Variants in GALNT13 observed in about 807,000 individuals in gnomAD.
GALNT13 encodes the protein polypeptide N-acetylgalactosaminyltransferase 13.
GALNT13 carries 28 observed loss-of-function variants against 64.2 expected under a neutral mutation model. The ratio of observed to expected loss-of-function variants is 0.44; its 90% CI spans 0.32 to 0.60. The LOEUF (loss-of-function observed/expected upper bound fraction) is 0.60. Among genes scored for constraint, GALNT13 ranks in the 20% least tolerant of loss-of-function variants. The probability of loss-of-function intolerance (pLI) is 0.05; values close to 1 mark genes in which losing one functional copy is unlikely to be tolerated. For missense variants in GALNT13, 577 were observed against 669.8 expected (o/e 0.86, Z 1.53); for synonymous variants, 214 against 224.6 (o/e 0.95, Z 0.42).
chr2:153,150,802 T>C, the GALNT13 span, among the ~76,000 whole-genome samples: 1 of 152,132 alleles, frequency 6.6e-6, no homozygotes, highest in Non-Finnish European at 1.5e-5. Flanking sequence ...GCATTATTTC[T>C]GAGGGCTCTG....
chr2:153,969,317 C>T (rs776875), intron 3 of GALNT13, among the ~76,000 whole-genome samples: 150,192 of 152,070 alleles, frequency 0.99, 74,190 homozygotes, highest in Middle Eastern at 1. Flanking sequence ...CTAATTCCTT[C>T]AATTAGAAAA....
At chr2:153,987,581 T>C (rs1320844353) in intron 3 of GALNT13, among the ~76,000 whole-genome samples, 1 of 151,902 alleles carries the variant, frequency 6.6e-6, no homozygotes, top group African/African-American at 2.4e-5. Flanking sequence ...AATTTGGGCA[T>C]ATTAACTTAT....
intron 3 of GALNT13, among the ~76,000 whole-genome samples, chr2:153,952,549 T>G (rs1004935257): frequency 6.6e-6 from 1 of 152,140 alleles, no homozygotes; most frequent in African/African-American, 2.4e-5. Flanking sequence ...GGAAAGGATC[T>G]GCTTAGAAAC....
the GALNT13 span, among the ~76,000 whole-genome samples, chr2:153,511,888 A>G: frequency 6.6e-6 from 1 of 152,180 alleles, no homozygotes; most frequent in Non-Finnish European, 1.5e-5. Context: ...TTATATCCCA[A>G]TGGGGTTGAA....
the GALNT13 span, among the ~76,000 whole-genome samples, chr2:153,542,939 A>C: frequency 2.6e-5 from 4 of 152,228 alleles, no homozygotes; most frequent in African/African-American, 9.6e-5. Flanking sequence ...CCAACTTTAC[A>C]TGTATTTATA....
intron 9 of GALNT13, among the ~76,000 whole-genome samples, chr2:154,335,045 C>G (rs1257669493): frequency 6.6e-6 from 1 of 151,990 alleles, no homozygotes; most frequent in Non-Finnish European, 1.5e-5. Context: ...AGTCTCTTCA[C>G]TCAGAAAAAC....
chr2:153,302,077 C>G, the GALNT13 span, among the ~76,000 whole-genome samples: 1 of 152,034 alleles, frequency 6.6e-6, no homozygotes, highest in Non-Finnish European at 1.5e-5. Context: ...AATGGTAAAC[C>G]TGGATCGTAT....
the GALNT13 span, among the ~76,000 whole-genome samples, chr2:153,450,026 G>A: frequency 1.6e-4 from 24 of 152,294 alleles, no homozygotes; most frequent in African/African-American, 5.5e-4. Context: ...CTTTCTGGTT[G>A]AAAAACCCAG....
At chr2:153,269,902 T>A in the GALNT13 span, among the ~76,000 whole-genome samples, 4 of 152,066 alleles carry the variant, frequency 2.6e-5, no homozygotes, top group Admixed American at 1.3e-4. Flanking sequence ...AAGAACAGTA[T>A]GGGGGAAACT....
intron 9 of GALNT13, among the ~76,000 whole-genome samples, chr2:154,347,055 T>C (rs552004205): frequency 6.6e-6 from 1 of 151,996 alleles, no homozygotes; most frequent in Non-Finnish European, 1.5e-5. Flanking sequence ...TGCAGAAAAT[T>C]GGAAAGTTAG....
At chr2:153,157,369 A>G in the GALNT13 span, among the ~76,000 whole-genome samples, 6 of 152,130 alleles carry the variant, frequency 3.9e-5, no homozygotes, top group Non-Finnish European at 7.4e-5. Context: ...CTTCCTTTCT[A>G]TCCTCTAGTC....
At chr2:154,259,392 C>G (rs914875283) in intron 8 of GALNT13, among the ~76,000 whole-genome samples, 1 of 152,112 alleles carries the variant, frequency 6.6e-6, no homozygotes, top group African/African-American at 2.4e-5. Context: ...TTAGGACTTT[C>G]AATTGCTGAA....
chr2:153,123,843 T>G, the GALNT13 span, among the ~76,000 whole-genome samples: 2 of 152,208 alleles, frequency 1.3e-5, no homozygotes, highest in Non-Finnish European at 2.9e-5. Context: ...TGTCTAAAAT[T>G]GTTCTTAATG....
the GALNT13 span, among the ~76,000 whole-genome samples, chr2:153,399,823 G>C: frequency 6.6e-6 from 1 of 151,780 alleles, no homozygotes; most frequent in Non-Finnish European, 1.5e-5. Flanking sequence ...GGAGATTTTG[G>C]GCTGAGACAA....
the GALNT13 span, among the ~76,000 whole-genome samples, chr2:153,480,350 G>C: frequency 6.6e-6 from 1 of 152,044 alleles, no homozygotes; most frequent in South Asian, 2.1e-4. Flanking sequence ...CCTTCTGGTT[G>C]AGTTTTCAAT....
chr2:153,588,158 C>T, the GALNT13 span, among the ~76,000 whole-genome samples: 1 of 152,340 alleles, frequency 6.6e-6, no homozygotes, highest in African/African-American at 2.4e-5. Context: ...CTTTCATGGG[C>T]TGGCATTGAG....
chr2:153,086,004 G>A, the GALNT13 span, among the ~76,000 whole-genome samples: 7 of 152,182 alleles, frequency 4.6e-5, no homozygotes, highest in Non-Finnish European at 7.3e-5. Context: ...GTGAGACATG[G>A]AGTCAAAGGA....
At chr2:153,752,954 C>T in the GALNT13 span, among the ~76,000 whole-genome samples, 1 of 151,972 alleles carries the variant, frequency 6.6e-6, no homozygotes, top group East Asian at 1.9e-4. Context: ...TTCCTTTGAA[C>T]TCCTTTGTGT....
In GALNT13 at chr2:154,451,745, A is replaced by G. The variant is rs1184013012; in HGVS notation, c.*1194A>G. On this transcript the variant is annotated 3_prime_UTR_variant, in exon 13 of 13. Coordinates refer to ENST00000392825, the MANE Select transcript of GALNT13 (RefSeq NM_052917.4). Reference sequence around the variant, plus strand: ...TGTTCAAAATACATTAGCAGAGGCCATGAAAGTGAAAAAAAATCAGATTTT... The same window carrying G: ...TGTTCAAAATACATTAGCAGAGGCCGTGAAAGTGAAAAAAAATCAGATTTT... The G allele has an allele frequency of 1.3e-5, 2 of 152,070 alleles. No individual in the cohort carries two copies. Among genetic ancestry groups the G allele is most frequent in the Non-Finnish European group, 2.9e-5 (2 of 68,004 alleles). 9.4% of individuals were successfully genotyped at this position (152,070 alleles called of 1,614,324 possible).
Sources: allele counts gnomAD v4.1 joint callset (sites outside exome capture counted in the v4.1 genomes callset), GRCh38; gene constraint gnomAD v4.1.1; transcripts MANE v1.5; gene names NCBI Gene and HGNC (gene_info 2026-07-23, HGNC 2026-07-21).